Variants in ASB10 observed in about 807,000 individuals in gnomAD.
ASB10 encodes the protein ankyrin repeat and SOCS box protein 10.
Under a neutral mutation model 35.4 loss-of-function variants are expected in ASB10, and 44 were observed. The ratio of observed to expected loss-of-function variants is 1.24; its 90% CI spans 0.98 to 1.60. The LOEUF is 1.60. Ranked by LOEUF, ASB10 falls within the 40% of genes most tolerant of loss-of-function variation. The probability of loss-of-function intolerance (pLI) is 0.00; values close to 1 mark genes in which losing one functional copy is unlikely to be tolerated. For missense variants in ASB10, 647 were observed against 634.3 expected, an observed-to-expected ratio of 1.02 and a Z score of -0.22; for synonymous variants, 294 against 280.4, an observed-to-expected ratio of 1.05 and a Z score of -0.49.
Position 151,186,649 on chromosome 7 carries a change from A to G in ASB10, c.327T>C (p.Ser109=), listed in dbSNP as rs2150560614. The change falls in exon 2 of 6, where the codon TCT becomes TCC. Residue 109 remains serine, a synonymous_variant. Transcript: ENST00000420175. Reference sequence around the variant, plus strand: ...TGGTCAGCTCCTCTTCGTATGTCAGAGACCAGAGTCCTAGGGAGGGGAGAC... The same window carrying G: ...TGGTCAGCTCCTCTTCGTATGTCAGGGACCAGAGTCCTAGGGAGGGGAGAC... ...RFNIRALRLW[S]LTYEEELTTP... is the part of the protein sequence containing the mutation. The G allele has an allele frequency of 6.2e-7, 1 of 1,609,114 alleles. No individual in the cohort carries two copies. Among genetic ancestry groups the G allele is most frequent in the Non-Finnish European group, 8.5e-7 (1 of 1,177,582 alleles).
chr7:151,176,333 C>T lies in ASB10; in HGVS notation c.1219-36G>A, dbSNP rs756093521. 2.3e-5 allele frequency: 35 copies of T among 1,520,698 alleles called. No homozygotes were observed. The African/African-American group carries it at 2.5e-4, about 11-fold the overall frequency. The allele number at this position is 1,520,698 out of a possible 1,614,324, so 94.2% of individuals were successfully genotyped here. A position where few individuals can be genotyped will look rare whatever the true frequency, so the allele number is the denominator to read the frequency against. ...AACAAGGGGCTCAGTGAGAGGCAGC[C>T]TCAGACAGGTAGCACCGGCTCCTCC... On this transcript the variant is annotated intron_variant, in intron 4 of 5. Transcript: ENST00000420175.
intron 2 of ASB10, among the ~76,000 whole-genome samples, chr7:151,183,275 G>A (rs910305980): frequency 1.3e-5 from 2 of 152,198 alleles, no homozygotes; most frequent in African/African-American, 4.8e-5. Flanking sequence ...GGTGGCATGG[G>A]CCTGTAGTAG....
At chr7:151,187,292 A>G (rs532487798), upstream of ASB10, 2 of 1,508,196 alleles carry the variant, frequency 1.3e-6, no homozygotes, top group East Asian at 2.5e-5. This position sits in a 1 kb window ranked among gnomAD's most constrained non-coding sequence, Gnocchi z 5.3. Context: ...TGGGCTCCAC[A>G]TGACTGTGTT....
Position 151,181,476 on chromosome 7 carries a change from T to C in ASB10, c.585-18A>G. ...CCGCACACCTATTGGGGGGAGACGG[T>C]GGTGGGGAGGAAAGCGGGCACGGAC... On this transcript the variant is annotated intron_variant, in intron 2 of 5. Transcript: ENST00000420175. 3.2e-6 allele frequency: 5 copies of C among 1,561,112 alleles called. No homozygotes were observed. Among genetic ancestry groups the C allele is most frequent in the Non-Finnish European group, 4.4e-6 (5 of 1,148,560 alleles).
intron 3 of ASB10, 82 bp downstream of exon 3, chr7:151,180,857 T>C (rs1281980433): frequency 2.1e-6 from 3 of 1,424,286 alleles, no homozygotes; most frequent in Non-Finnish European, 2.7e-6. Context: ...ACAGGCCACA[T>C]TCCAAAGCAA....
intron 2 of ASB10, among the ~76,000 whole-genome samples, chr7:151,182,135 G>A (rs1801507173): frequency 6.6e-6 from 1 of 152,198 alleles, no homozygotes; most frequent in South Asian, 2.1e-4. Context: ...AGGATCTCAT[G>A]CAAGTTGACA....
chr7:151,176,676 C>T lies in ASB10; in HGVS notation c.1105G>A (p.Val369Met), dbSNP rs2150555012. 4 of 1,549,046 alleles carry T rather than the reference C, an allele frequency of 2.6e-6. No individual in the cohort carries two copies. The East Asian group carries it at 9.8e-5, about 38-fold the overall frequency. Residue 369 changes from valine (V) to methionine (M), a missense_variant and splice_region_variant, in exon 4 of 6, where the codon GTG (valine) becomes ATG (methionine). Physicochemically the swap from Val to Met is conservative, Grantham distance 21. Coordinates refer to ENST00000420175, the MANE Select transcript of ASB10 (RefSeq NM_001142459.2). ...GGGCACGTGCTCCAGCGCTCCAGCA[C>T]CTGTGGGAGGCAGAGGCATGTTGGG... is the stretch of plus-strand genomic sequence containing the variant. ...VRVWPGALPK[V>M]LERWSTCPRT...
rs146931238 is a variant in ASB10, at chr7:151,186,655, G to C, written c.321C>G (p.Leu107=). The C allele has an allele frequency of 2.7e-4, 432 of 1,601,386 alleles. 1 individual carries two copies. The African/African-American group carries it at 5.1e-3, about 19-fold the overall frequency. ...DFRFNIRALR[L]WSLTYEEELT... Reference sequence around the variant, plus strand: ...GCTCCTCTTCGTATGTCAGAGACCAGAGTCCTAGGGAGGGGAGACGTGGGC... The same window carrying C: ...GCTCCTCTTCGTATGTCAGAGACCACAGTCCTAGGGAGGGGAGACGTGGGC... Residue 107 remains leucine (L), a synonymous_variant, in exon 2 of 6, where the codon CTC becomes CTG. Coordinates refer to ENST00000420175, the MANE Select transcript of ASB10 (RefSeq NM_001142459.2).
At chr7:151,182,031 G>T (rs1478952626) in intron 2 of ASB10, among the ~76,000 whole-genome samples, 1 of 152,198 alleles carries the variant, frequency 6.6e-6, no homozygotes, top group East Asian at 1.9e-4. Context: ...GCCTGCTAAG[G>T]GTTTTACGTG....
chr7:151,187,537 C>A (rs1352678343), upstream of ASB10: 1 of 1,551,544 alleles, frequency 6.4e-7, no homozygotes, highest in Non-Finnish European at 8.7e-7. This position sits in a 1 kb window ranked among gnomAD's most constrained non-coding sequence, Gnocchi z 5.3. Flanking sequence ...ACAGCTCCTG[C>A]AACCTTGCCA....
chr7:151,186,614 T>C lies in ASB10; in HGVS notation c.362A>G (p.His121Arg). ...TYEEELTTPL[H>R]VAASRGHTEV... ...CGTGTGGCCACGGCTGGCTGCCACA[T>C]GCAGTGGGGTGGTCAGCTCCTCTTC... The change falls in exon 2 of 6, where the codon CAT becomes CGT. Residue 121 changes from histidine (H) to arginine (R), a missense_variant. Coordinates refer to ENST00000420175, the MANE Select transcript of ASB10 (RefSeq NM_001142459.2). 1 of 1,611,066 alleles carries C rather than the reference T, an allele frequency of 6.2e-7. No individual in the cohort carries two copies. The highest frequency in any genetic ancestry group is 1.1e-5 in the South Asian group (1 of 90,648).
chr7:151,183,515 C>T (rs1801532544), intron 2 of ASB10, among the ~76,000 whole-genome samples: 1 of 152,218 alleles, frequency 6.6e-6, no homozygotes, highest in African/African-American at 2.4e-5. Flanking sequence ...TCAAATGATC[C>T]TCCTACCTCA....
At chr7:151,176,481 T>A in intron 4 of ASB10, 82 bp downstream of exon 4, 1 of 1,485,558 alleles carries the variant, frequency 6.7e-7, no homozygotes, top group Non-Finnish European at 9.0e-7. Flanking sequence ...TTTGGGTACT[T>A]TCTATGGGGG....
In ASB10 at chr7:151,175,902, G is replaced by T; in HGVS notation, c.*65C>A. 1 of 610,294 alleles carries T rather than the reference G, an allele frequency of 1.6e-6. No homozygotes were observed. The highest frequency in any genetic ancestry group is 2.7e-6 in the Non-Finnish European group (1 of 369,782). 37.8% of individuals were successfully genotyped at this position (610,294 alleles called of 1,614,324 possible). A position where few individuals can be genotyped will look rare whatever the true frequency, so the allele number is the denominator to read the frequency against. On this transcript the variant is annotated 3_prime_UTR_variant, in exon 6 of 6. Coordinates refer to ENST00000420175, the MANE Select transcript of ASB10 (RefSeq NM_001142459.2). ...CCAGGGCTACCTGGCCTGAGTTAGTGCAGAGGCGCGCCCTCTGCAGGCTGG... is the reference window on the plus strand; with the variant it reads ...CCAGGGCTACCTGGCCTGAGTTAGTTCAGAGGCGCGCCCTCTGCAGGCTGG...
chr7:151,183,391 G>A (rs1801529724), intron 2 of ASB10, among the ~76,000 whole-genome samples: 1 of 152,122 alleles, frequency 6.6e-6, no homozygotes, highest in African/African-American at 2.4e-5. Flanking sequence ...AGGTGACTGA[G>A]AGAGACCCTA....
At chr7:151,185,614 T>C (rs537545700) in intron 2 of ASB10, among the ~76,000 whole-genome samples, 1 of 152,160 alleles carries the variant, frequency 6.6e-6, no homozygotes, top group South Asian at 2.1e-4. Flanking sequence ...GGTCAATAAT[T>C]TGGCACCTTT....
upstream of ASB10, chr7:151,187,454 C>T (rs527249641): frequency 6.4e-7 from 1 of 1,551,320 alleles, no homozygotes; most frequent in African/African-American, 1.4e-5. This position sits in a 1 kb window ranked among gnomAD's most constrained non-coding sequence, Gnocchi z 5.3. Context: ...CCCCTCACCC[C>T]TCTGGTGGCT....
At chr7:151,177,569 G>T (rs1044612255) in intron 3 of ASB10, among the ~76,000 whole-genome samples, 3 of 151,566 alleles carry the variant, frequency 2.0e-5, no homozygotes, top group Non-Finnish European at 2.9e-5. Context: ...AATGCCAAGT[G>T]AGGGTAGAGA....
chr7:151,181,598 G>T, intron 2 of ASB10, 140 bp from the exon 3 acceptor site: 3 of 1,245,086 alleles, frequency 2.4e-6, no homozygotes, highest in Non-Finnish European at 3.2e-6. Flanking sequence ...CATTCTGCAA[G>T]ATCAACAGTG....
Sources: allele counts gnomAD v4.1 joint callset (sites outside exome capture counted in the v4.1 genomes callset), GRCh38; gene constraint gnomAD v4.1.1; non-coding constraint Gnocchi (gnomAD v3.1); transcripts MANE v1.5; gene names NCBI Gene and HGNC (gene_info 2026-07-23, HGNC 2026-07-21).